Variants in FGF13 observed in about 807,000 individuals in gnomAD.
FGF13 encodes the protein fibroblast growth factor homologous factor 2.
A neutral mutation model predicts 19.5 loss-of-function variants in FGF13; 2 were observed. That is an observed-to-expected ratio of 0.10 (90% CI 0.04 to 0.32). The LOEUF (loss-of-function observed/expected upper bound fraction) is 0.32, where lower values mean the gene tolerates loss of function less well. FGF13 is among the 10% of genes least tolerant of loss of function. FGF13 has a pLI of 1.00. For synonymous variants in FGF13, 72 were observed against 76.9 expected (o/e 0.94, Z 0.33); for missense variants, 113 against 192.7 (o/e 0.59, Z 2.45).
intron 1 of FGF13, among the ~76,000 whole-genome samples, chrX:139,034,659 C>T (rs773186498): frequency 9.0e-6 from 1 of 111,191 alleles, no homozygotes; most frequent in African/African-American, 3.3e-5. Flanking sequence ...ATGCGGATTC[C>T]AAGCATCTTG....
At chrX:138,951,619 G>A (rs1028579177) in intron 1 of FGF13, among the ~76,000 whole-genome samples, 2 of 111,570 alleles carry the variant, frequency 1.8e-5, no homozygotes, top group East Asian at 2.8e-4. Flanking sequence ...TATATGAGTG[G>A]CCAATAGGAC....
intron 1 of FGF13, among the ~76,000 whole-genome samples, chrX:139,009,683 C>A (rs1025947351): frequency 5.4e-5 from 6 of 111,291 alleles, no homozygotes; most frequent in Admixed American, 1.9e-4. Flanking sequence ...CCTCAAAAAA[C>A]CCCAAAATAG....
intron 1 of FGF13, among the ~76,000 whole-genome samples, chrX:139,011,904 G>T (rs2092130043): frequency 9.0e-6 from 1 of 111,135 alleles, no homozygotes; most frequent in Non-Finnish European, 1.9e-5. Context: ...GCAAACTATT[G>T]CTGTTTGCTG....
intron 1 of FGF13, among the ~76,000 whole-genome samples, chrX:139,044,341 A>G (rs1236487418): frequency 9.0e-6 from 1 of 111,299 alleles, no homozygotes; most frequent in African/African-American, 3.3e-5. Context: ...GGCACATCAC[A>G]TGGCAAAAGC....
In FGF13 at chrX:138,746,416, T is replaced by TA. The variant is rs369714846; in HGVS notation, c.218-37489dup. Reference sequence around the variant, plus strand: ...CTACCAGAACCTAGATCATTGTCTATAAAAAAAAAAATAGTTCTATTGACC... The same window carrying TA: ...CTACCAGAACCTAGATCATTGTCTATAAAAAAAAAAAATAGTTCTATTGACC... On this transcript the variant is annotated intron_variant, in intron 3 of 6. Transcript: ENST00000436198. Among the ~76,000 whole-genome samples, 298 of 104,278 alleles carry TA rather than the reference T, an allele frequency of 2.9e-3. 1 individual carries two copies. The highest frequency in any genetic ancestry group is 0.018 in the South Asian group (42 of 2,394). 90.6% of individuals were successfully genotyped at this position (104,278 alleles called of 115,157 possible). A position where few individuals can be genotyped will look rare whatever the true frequency, so the allele number is the denominator to read the frequency against.
chrX:138,857,626 A>T lies in FGF13; in HGVS notation c.16T>A (p.Ser6Thr), dbSNP rs1410571481. Residue 6 changes from serine (S) to threonine (T), a missense_variant, in exon 3 of 3, where the codon TCC (serine) becomes ACC (threonine). Coordinates refer to the FGF13 transcript ENST00000421460. ...TTCTTTAATTCCGCAGATTGGATGGAATCTTGTCGTAACATAATGTATTCC... is the reference window on the plus strand; with the variant it reads ...TTCTTTAATTCCGCAGATTGGATGGTATCTTGTCGTAACATAATGTATTCC... 5 of 1,209,081 alleles carry T rather than the reference A, an allele frequency of 4.1e-6. No homozygotes were observed. Among genetic ancestry groups the T allele is most frequent in the Non-Finnish European group, 5.6e-6 (5 of 894,080 alleles).
intron 1 of FGF13, among the ~76,000 whole-genome samples, chrX:139,157,138 T>C (rs2083983175): frequency 9.0e-6 from 1 of 111,478 alleles, no homozygotes; most frequent in African/African-American, 3.3e-5. Context: ...TTCCTTACCA[T>C]AGCCCTGTAA....
At chrX:138,917,440 C>A (rs766025045) in intron 1 of FGF13, among the ~76,000 whole-genome samples, 77 of 111,776 alleles carry the variant, frequency 6.9e-4, no homozygotes, top group Non-Finnish European at 1.2e-3. Context: ...ATTCTGGCAC[C>A]CTGACCTTGG....
At chrX:139,072,170 A>G (rs1043672577) in intron 1 of FGF13, among the ~76,000 whole-genome samples, 1 of 109,720 alleles carries the variant, frequency 9.1e-6, no homozygotes, top group Non-Finnish European at 1.9e-5. Flanking sequence ...GGAGGTAATT[A>G]AGGTTAAATG....
At chrX:138,944,336 T>C (rs921072216) in intron 1 of FGF13, among the ~76,000 whole-genome samples, 1 of 110,790 alleles carries the variant, frequency 9.0e-6, no homozygotes, top group Non-Finnish European at 1.9e-5. Flanking sequence ...TCAATAAGCC[T>C]AAGGGAGATG....
chrX:139,024,097 C>T (rs1198323884), intron 1 of FGF13, among the ~76,000 whole-genome samples: 3 of 110,773 alleles, frequency 2.7e-5, no homozygotes, highest in East Asian at 2.9e-4. Context: ...GCTGGGTCTT[C>T]TGTTCACAGG....
At chrX:138,938,894 T>A (rs2091744952) in intron 1 of FGF13, among the ~76,000 whole-genome samples, 1 of 110,363 alleles carries the variant, frequency 9.1e-6, no homozygotes, top group Admixed American at 9.7e-5. Flanking sequence ...CACAATGCAG[T>A]TTTTTCTACT....
intron 1 of FGF13, among the ~76,000 whole-genome samples, chrX:139,124,438 C>A (rs1274909934): frequency 8.9e-6 from 1 of 112,002 alleles, no homozygotes; most frequent in African/African-American, 3.2e-5. Context: ...CCCTTCAGTG[C>A]CCTCACAGGT....
At chrX:138,770,412 G>C (rs1414353220) in intron 3 of FGF13, among the ~76,000 whole-genome samples, 1 of 110,634 alleles carries the variant, frequency 9.0e-6, no homozygotes. Flanking sequence ...TGCTGGTGCT[G>C]CGTCACCCTC....
intron 1 of FGF13, among the ~76,000 whole-genome samples, chrX:139,013,044 A>G: frequency 8.9e-6 from 1 of 111,913 alleles, no homozygotes; most frequent in Non-Finnish European, 1.9e-5. Context: ...ACATGAAAAG[A>G]CAGTTCTCAA....
chrX:139,003,445 C>T (rs954922586), intron 1 of FGF13, among the ~76,000 whole-genome samples: 5 of 111,719 alleles, frequency 4.5e-5, no homozygotes, highest in African/African-American at 1.3e-4. Flanking sequence ...GAAGGGGACC[C>T]GAACGTGTTG....
upstream of FGF13, among the ~76,000 whole-genome samples, chrX:138,711,927 G>A (rs773875861): frequency 4.5e-5 from 5 of 110,313 alleles, no homozygotes; most frequent in East Asian, 5.8e-4. Flanking sequence ...GGAGCTTCGG[G>A]AGGAAACAGT....
chrX:138,738,418 A>C (rs2124299990), intron 1 of FGF13, among the ~76,000 whole-genome samples: 1 of 112,063 alleles, frequency 8.9e-6, no homozygotes, highest in South Asian at 3.7e-4. Flanking sequence ...GATTGGCAAA[A>C]CCATTTTTTT....
intron 3 of FGF13, among the ~76,000 whole-genome samples, chrX:138,763,604 C>T (rs1191259285): frequency 1.8e-5 from 2 of 112,061 alleles, no homozygotes; most frequent in Non-Finnish European, 3.8e-5. Flanking sequence ...TCTTCATGCA[C>T]AGTATTATCC....
Sources: allele counts gnomAD v4.1 joint callset (sites outside exome capture counted in the v4.1 genomes callset), GRCh38; gene constraint gnomAD v4.1.1; transcripts MANE v1.5; gene names NCBI Gene and HGNC (gene_info 2026-07-23, HGNC 2026-07-21).